ANK3: variants seen among roughly 807,000 people sequenced by gnomAD.
ANK3 encodes ankyrin-3.
In ANK3, 57 loss-of-function variants were observed where a neutral mutation model predicts 370.9. The ratio of observed to expected loss-of-function variants is 0.15; its 90% CI spans 0.12 to 0.19. The LOEUF (loss-of-function observed/expected upper bound fraction) is 0.19. ANK3 is among the 10% of genes least tolerant of loss of function. The pLI, the probability that ANK3 is intolerant of heterozygous loss-of-function variation, is 1.00. For synonymous variants in ANK3, 1,929 were observed against 1,946.3 expected, an observed-to-expected ratio of 0.99 and a Z score of 0.23; for missense variants, 4,439 against 5,302.1, an observed-to-expected ratio of 0.84 and a Z score of 5.06.
chr10:60,199,689 T>C (rs1226968627), intron 13 of ANK3, among the ~76,000 whole-genome samples: 2 of 150,822 alleles, frequency 1.3e-5, no homozygotes, highest in Admixed American at 1.3e-4. Flanking sequence ...GCCATACAGC[T>C]TGTGTAGAAA....
intron 2 of ANK3, among the ~76,000 whole-genome samples, chr10:60,457,512 T>G (rs925772285): frequency 1.3e-5 from 2 of 152,128 alleles, no homozygotes; most frequent in Non-Finnish European, 2.9e-5. Flanking sequence ...TTGCTCTCCC[T>G]TGGTGTTTAG....
At chr10:60,469,647 ATATATATGGTGG>A (rs1406495902) in intron 2 of ANK3, among the ~76,000 whole-genome samples, 1 of 16,924 alleles carries the variant, frequency 5.9e-5, no homozygotes. Flanking sequence ...ATATATATAT[ATATATATGGTGG>A]TATATATATA....
At chr10:60,114,401 A>T in intron 25 of ANK3, 70 bp from the exon 26 acceptor site, 10 of 730,192 alleles carry the variant, frequency 1.4e-5, no homozygotes, top group South Asian at 4.2e-5. Context: ...ACACATATAA[A>T]ATATATTTGT....
chr10:60,120,389 C>T (rs768183096), intron 25 of ANK3, among the ~76,000 whole-genome samples: 14 of 152,080 alleles, frequency 9.2e-5, no homozygotes, highest in East Asian at 1.9e-4. Context: ...GGAAACTCTC[C>T]GGGACATTGA....
intron 1 of ANK3, among the ~76,000 whole-genome samples, chr10:60,720,480 C>T (rs866740964): frequency 1.7e-4 from 26 of 152,114 alleles, no homozygotes; most frequent in South Asian, 4.1e-4. Context: ...ATTAGGTTGG[C>T]GCAAAAGTAA....
At chr10:60,315,265 G>C (rs965845767) in intron 1 of ANK3, among the ~76,000 whole-genome samples, 2 of 152,214 alleles carry the variant, frequency 1.3e-5, no homozygotes, top group Middle Eastern at 3.4e-3. Context: ...ACTTGACATT[G>C]TTTTTATATT....
At position 60,283,624 on chromosome 10, in the gene ANK3, T is replaced by C. The variant is rs542448385; in HGVS notation, c.115-3985A>G. On this transcript the variant is annotated intron_variant, in intron 1 of 43. Coordinates refer to ENST00000280772, the MANE Select transcript of ANK3 (RefSeq NM_020987.5). ...ACCATTTAATGTCCTGTCTACTTAG[T>C]CATTTTACTAGAAATATGAATCATG... Among the ~76,000 whole-genome samples, 12 of 152,298 alleles carry C rather than the reference T, an allele frequency of 7.9e-5. No individual in the cohort carries two copies. In the South Asian group the frequency reaches 2.3e-3, roughly 29 times the overall value.
In ANK3 at chr10:60,068,027, T is replaced by C; in HGVS notation, c.12245-18A>G. On this transcript the variant is annotated intron_variant, in intron 37 of 43. Transcript: ENST00000280772. ...CTGTGGACCTACGATTTACAATTTC[T>C]TAATTAAAATAATCATCAAGAAAGA... 1 of 1,590,890 alleles carries C rather than the reference T, an allele frequency of 6.3e-7. No individual in the cohort carries two copies. The highest frequency in any genetic ancestry group is 8.6e-7 in the Non-Finnish European group (1 of 1,161,864).
intron 2 of ANK3, among the ~76,000 whole-genome samples, chr10:60,514,996 T>C (rs1465660877): frequency 6.6e-6 from 1 of 152,122 alleles, no homozygotes; most frequent in Non-Finnish European, 1.5e-5. Context: ...AAATATACTA[T>C]TGCCAAAATT....
chr10:60,178,725 A>G (rs1233257467), intron 18 of ANK3, among the ~76,000 whole-genome samples: 1 of 152,220 alleles, frequency 6.6e-6, no homozygotes, highest in Non-Finnish European at 1.5e-5. Context: ...AAAGAAATCC[A>G]GTGTAACTCC....
rs141077709 is a variant in ANK3 at position 60,544,229 on chromosome 10, G to A, written c.96+70957C>T. 3.0e-3 allele frequency among the ~76,000 whole-genome samples: 453 copies of A among 152,168 alleles called. 3 individuals are homozygous for A. Among genetic ancestry groups the A allele is most frequent in the Middle Eastern group, 6.8e-3 (2 of 294 alleles). ...CTGAGAGCCCACTTAATGTGTCCTG[G>A]CAGGAAATAGTCTTGTTATAGTTCA... is the stretch of plus-strand genomic sequence containing the variant. On this transcript the variant is annotated intron_variant, in intron 2 of 43. Coordinates refer to the ANK3 transcript ENST00000373827.
intron 7 of ANK3, 26 bp downstream of exon 7, chr10:60,261,833 G>A (rs1437084208): frequency 6.3e-7 from 1 of 1,595,324 alleles, no homozygotes; most frequent in East Asian, 2.2e-5. Flanking sequence ...ATGCTTTAAA[G>A]GTATTACACA....
intron 1 of ANK3, among the ~76,000 whole-genome samples, chr10:60,334,994 T>G (rs2199210): frequency 0.7 from 105,666 of 151,892 alleles, 37,846 homozygotes; most frequent in South Asian, 0.9. Context: ...TATATTTATA[T>G]TCCCACTATT....
At chr10:60,581,707 G>A (rs1250020744) in intron 2 of ANK3, among the ~76,000 whole-genome samples, 2 of 151,868 alleles carry the variant, frequency 1.3e-5, no homozygotes, top group East Asian at 1.9e-4. Flanking sequence ...CAAAGTGCTG[G>A]GATTACAGGC....
rs768405091 is a variant in ANK3, at chr10:60,085,271, G to C, written c.3749-18C>G. ...AGTGCCCCCTGAGAGAACAACAGCA[G>C]ATATGTTGACTTTATCATGGGAGAT... is the stretch of plus-strand genomic sequence containing the variant. On this transcript the variant is annotated intron_variant, in intron 30 of 43. Coordinates refer to ENST00000280772, the MANE Select transcript of ANK3 (RefSeq NM_020987.5). 7 of 1,583,016 alleles carry C rather than the reference G, an allele frequency of 4.4e-6. No individual in the cohort carries two copies. In the Admixed American group the frequency reaches 1.0e-4, roughly 24 times the overall value.
At chr10:60,348,347 C>CAAAAA (rs35147179) in intron 1 of ANK3, among the ~76,000 whole-genome samples, 2 of 68,150 alleles carry the variant, frequency 2.9e-5, no homozygotes, top group East Asian at 5.3e-4. Flanking sequence ...TATCACTAGC[C>CAAAAA]AAAAAAAAAA....
chr10:60,267,423 C>A (rs1272833785), intron 5 of ANK3, among the ~76,000 whole-genome samples: 1 of 152,144 alleles, frequency 6.6e-6, no homozygotes, highest in African/African-American at 2.4e-5. Context: ...TAACAGCAAC[C>A]TCCCTGAAGA....
chr10:60,065,502 ATTAT>A (rs2131951460), intron 38 of ANK3, among the ~76,000 whole-genome samples: 1 of 152,354 alleles, frequency 6.6e-6, no homozygotes, highest in African/African-American at 2.4e-5. Flanking sequence ...AAAAAAGTCC[ATTAT>A]CTTTTGACCA....
chr10:60,475,889 G>C (rs566023658), intron 2 of ANK3, among the ~76,000 whole-genome samples: 1 of 152,254 alleles, frequency 6.6e-6, no homozygotes, highest in East Asian at 1.9e-4. Flanking sequence ...CATGCTGATA[G>C]ATATATTCCA....
Sources: gnomAD v4.1 joint callset for allele counts (sites outside exome capture counted in the v4.1 genomes callset) on GRCh38, gnomAD v4.1.1 for gene constraint, MANE v1.5 for transcripts, NCBI Gene and HGNC (gene_info 2026-07-23, HGNC 2026-07-21) for gene names.